LRRC74A: variants seen among roughly 807,000 people sequenced by gnomAD.
LRRC74A encodes leucine-rich repeat-containing protein 74A.
In LRRC74A, 44 loss-of-function variants were observed where a neutral mutation model predicts 57.9. The observed-to-expected ratio is 0.76, with a 90% CI of 0.60 to 0.98. The LOEUF is 0.98. Among genes scored for constraint, LRRC74A ranks in the 50% least tolerant of loss-of-function variants. LRRC74A has a pLI of 0.00. For missense variants in LRRC74A, 572 were observed against 574.0 expected (o/e 1.00, Z 0.04); for synonymous variants, 211 against 219.4 (o/e 0.96, Z 0.34).
chr14:76,855,437 G>A (rs928789421), intron 9 of LRRC74A, among the ~76,000 whole-genome samples: 7 of 152,170 alleles, frequency 4.6e-5, no homozygotes, highest in Admixed American at 1.3e-4. Flanking sequence ...ATTTTTTACC[G>A]CTTTTCTCAT....
In LRRC74A at chr14:76,865,956, T is replaced by C. The variant is rs755962261; in HGVS notation, c.1201-12T>C. ...CCAAGTGTTTGCTCCTGGTCTCTCC[T>C]GCTTCTCTCAGAGCTATGCAGACCA... is the stretch of plus-strand genomic sequence containing the variant. On this transcript the variant is annotated splice_polypyrimidine_tract_variant and intron_variant, in intron 11 of 13. Transcript: ENST00000689127. 6.5e-7 allele frequency: 1 copy of C among 1,547,098 alleles called. No individual in the cohort carries two copies. The highest frequency in any genetic ancestry group is 8.9e-7 in the Non-Finnish European group (1 of 1,124,562).
Position 76,857,424 on chromosome 14 carries a change from C to A in LRRC74A, c.1002C>A (p.Ile334=). ...PINMDGAILL[I]LAIKRNPKSR... is the part of the protein sequence containing the mutation. ...ATATGGATGGGGCTATTTTACTTATCCTGGCTATCAAGAGGAACCCCAAAT... is the reference window on the plus strand; with the variant it reads ...ATATGGATGGGGCTATTTTACTTATACTGGCTATCAAGAGGAACCCCAAAT... The change falls in exon 10 of 14, where the codon ATC becomes ATA. Residue 334 remains isoleucine (I), a synonymous_variant. Coordinates refer to ENST00000689127, the MANE Select transcript of LRRC74A (RefSeq NM_001385106.1). 6.3e-7 allele frequency: 1 copy of A among 1,587,486 alleles called. No homozygotes were observed. The highest frequency in any genetic ancestry group is 8.6e-7 in the Non-Finnish European group (1 of 1,165,422).
intron 10 of LRRC74A, among the ~76,000 whole-genome samples, chr14:76,858,475 C>T (rs1379301011): frequency 6.6e-6 from 1 of 152,214 alleles, no homozygotes; most frequent in Non-Finnish European, 1.5e-5. Context: ...TGACCATCTG[C>T]AAAGACCCTG....
chr14:76,864,590 A>C (rs939934212), intron 11 of LRRC74A, among the ~76,000 whole-genome samples: 2 of 152,242 alleles, frequency 1.3e-5, no homozygotes, highest in East Asian at 3.8e-4. Flanking sequence ...GCAGTAGCTC[A>C]TGCCTGTAAT....
intron 2 of LRRC74A, 103 bp downstream of exon 2, chr14:76,828,522 T>C (rs754340654): frequency 1.3e-6 from 2 of 1,551,522 alleles, no homozygotes; most frequent in South Asian, 2.2e-5. Flanking sequence ...GAGTCTGCCC[T>C]GCGGATGGCC....
At chr14:76,840,741 G>C (rs1037199241) in intron 5 of LRRC74A, among the ~76,000 whole-genome samples, 18 of 151,570 alleles carry the variant, frequency 1.2e-4, no homozygotes, top group Non-Finnish European at 2.4e-4. Context: ...CCGCCACCTC[G>C]CCCGGCTAAT....
intron 3 of LRRC74A, among the ~76,000 whole-genome samples, chr14:76,834,757 A>T (rs1004980651): frequency 4.6e-5 from 7 of 152,178 alleles, no homozygotes; most frequent in Admixed American, 2.0e-4. Flanking sequence ...CCCCAGTATG[A>T]ATCTGGCAGT....
chr14:76,860,545 T>G, intron 10 of LRRC74A, 148 bp from the exon 11 acceptor site: 1 of 655,698 alleles, frequency 1.5e-6, no homozygotes, highest in Non-Finnish European at 2.3e-6. Flanking sequence ...ATACCCGAAC[T>G]ATCCCAGTCC....
intron 5 of LRRC74A, among the ~76,000 whole-genome samples, chr14:76,842,220 A>G (rs1456825842): frequency 1.3e-5 from 2 of 152,182 alleles, no homozygotes; most frequent in Non-Finnish European, 2.9e-5. Context: ...TCACTTTATT[A>G]AATTATCTTA....
At chr14:76,839,554 A>G (rs1457846712) in intron 5 of LRRC74A, among the ~76,000 whole-genome samples, 2 of 152,230 alleles carry the variant, frequency 1.3e-5, no homozygotes, top group African/African-American at 4.8e-5. Context: ...TATACCTAGT[A>G]CATAAGTATT....
intron 5 of LRRC74A, among the ~76,000 whole-genome samples, chr14:76,842,018 CT>C (rs1445598381): frequency 6.6e-6 from 1 of 152,054 alleles, no homozygotes; most frequent in Non-Finnish European, 1.5e-5. Flanking sequence ...AGCCCCAGGT[CT>C]TTTTACATTC....
At chr14:76,851,612 C>A (rs1236395910) in intron 7 of LRRC74A, among the ~76,000 whole-genome samples, 1 of 151,666 alleles carries the variant, frequency 6.6e-6, no homozygotes, top group Non-Finnish European at 1.5e-5. Context: ...CCTGCCTCGG[C>A]CTCCCAAAGT....
At chr14:76,831,817 A>G (rs1895997066) in intron 3 of LRRC74A, among the ~76,000 whole-genome samples, 1 of 152,166 alleles carries the variant, frequency 6.6e-6, no homozygotes, top group Admixed American at 6.5e-5. Flanking sequence ...ATTATATTTC[A>G]TAAAGACCAC....
At chr14:76,850,686 A>G (rs1398994332) in intron 7 of LRRC74A, among the ~76,000 whole-genome samples, 5 of 151,872 alleles carry the variant, frequency 3.3e-5, no homozygotes, top group Non-Finnish European at 7.4e-5. Flanking sequence ...GACCAACATG[A>G]TGAAACCCTG....
chr14:76,869,581 A>G (rs1306123051), intron 13 of LRRC74A, among the ~76,000 whole-genome samples: 1 of 151,960 alleles, frequency 6.6e-6, no homozygotes, highest in Non-Finnish European at 1.5e-5. Context: ...TGAAACCCCC[A>G]CCTCTATTAA....
At chr14:76,844,210 C>T (rs1245000481) in intron 5 of LRRC74A, among the ~76,000 whole-genome samples, 1 of 152,124 alleles carries the variant, frequency 6.6e-6, no homozygotes, top group African/African-American at 2.4e-5. Context: ...ACTATGTTGC[C>T]CAGGCTGGTC....
At chr14:76,868,306 A>G (rs1899117638) in intron 13 of LRRC74A, among the ~76,000 whole-genome samples, 3 of 152,190 alleles carry the variant, frequency 2.0e-5, no homozygotes, top group Admixed American at 2.0e-4. Flanking sequence ...TCTACTAAAA[A>G]CCAAAAAAAC....
chr14:76,828,761 G>A (rs373947652), intron 2 of LRRC74A: 37 of 450,198 alleles, frequency 8.2e-5, no homozygotes, highest in African/African-American at 6.8e-4. Context: ...TAGGAGGTAG[G>A]CATCTTTGCC....
At chr14:76,857,231 TAAAC>T in intron 9 of LRRC74A, 145 bp from the exon 10 acceptor site, 1 of 565,326 alleles carries the variant, frequency 1.8e-6, no homozygotes, top group South Asian at 1.9e-5. Context: ...GACAGATGGA[TAAAC>T]AAACAGAAGG....
Sources: allele counts gnomAD v4.1 joint callset (sites outside exome capture counted in the v4.1 genomes callset), GRCh38; gene constraint gnomAD v4.1.1; transcripts MANE v1.5; gene names NCBI Gene and HGNC (gene_info 2026-07-23, HGNC 2026-07-21).